Variants in RAPGEF2 observed in about 807,000 individuals in gnomAD.
The protein encoded by RAPGEF2 is Rap guanine nucleotide exchange factor 2.
Under a neutral mutation model 186.7 loss-of-function variants are expected in RAPGEF2, and 54 were observed. The ratio of observed to expected loss-of-function variants is 0.29; its 90% CI spans 0.23 to 0.36. The LOEUF is 0.36. Among genes scored for constraint, RAPGEF2 ranks in the 10% least tolerant of loss-of-function variants. RAPGEF2 has a pLI of 1.00. For missense variants in RAPGEF2, 1,532 were observed against 2,045.0 expected, an observed-to-expected ratio of 0.75 and a Z score of 4.84; for synonymous variants, 712 against 705.9, an observed-to-expected ratio of 1.01 and a Z score of -0.14.
At chr4:159,178,824 G>T (rs1701485856) in intron 1 of RAPGEF2, among the ~76,000 whole-genome samples, 1 of 152,088 alleles carries the variant, frequency 6.6e-6, no homozygotes, top group African/African-American at 2.4e-5. Context: ...TTCCCAAAGT[G>T]CTGGGATTAC....
At chr4:159,268,165 C>G (rs1452920598) in intron 7 of RAPGEF2, 2 of 1,613,062 alleles carry the variant, frequency 1.2e-6, no homozygotes, top group South Asian at 1.1e-5. Context: ...TATGAAACCA[C>G]TAGCAATCCC....
At chr4:159,319,422 G>A (rs1043143147) in intron 9 of RAPGEF2, among the ~76,000 whole-genome samples, 1 of 151,894 alleles carries the variant, frequency 6.6e-6, no homozygotes, top group African/African-American at 2.4e-5. Flanking sequence ...CTATCCCCCC[G>A]CACCCACCAA....
chr4:159,359,429 A>G lies in RAPGEF2; in HGVS notation c.*1290A>G, dbSNP rs1253187105. 2 of 152,172 alleles carry G rather than the reference A, an allele frequency of 1.3e-5. No homozygotes were observed. Among genetic ancestry groups the G allele is most frequent in the East Asian group, 3.9e-4 (2 of 5,188 alleles). The allele number at this position is 152,172 out of a possible 1,614,324, so 9.4% of individuals were successfully genotyped here. On this transcript the variant is annotated 3_prime_UTR_variant, in exon 30 of 30. Transcript: ENST00000691494. ...TAGAGAAGGCCTAAGTGTAGCAACC[A>G]TCTGCTCACAGCTGCTATTAACCCT...
chr4:159,115,335 A>G (rs575718807), intron 1 of RAPGEF2, among the ~76,000 whole-genome samples: 28 of 152,318 alleles, frequency 1.8e-4, no homozygotes, highest in African/African-American at 6.5e-4. Flanking sequence ...TGTTTTCTGT[A>G]TTTTAAGAAA....
chr4:159,171,709 G>A (rs1375927155), intron 1 of RAPGEF2, among the ~76,000 whole-genome samples: 1 of 151,586 alleles, frequency 6.6e-6, no homozygotes, highest in Non-Finnish European at 1.5e-5. Flanking sequence ...AATCTTTCAT[G>A]GGATAGGGTC....
chr4:159,285,154 C>T (rs1760291616), intron 7 of RAPGEF2, among the ~76,000 whole-genome samples: 1 of 152,082 alleles, frequency 6.6e-6, no homozygotes, highest in South Asian at 2.1e-4. Context: ...TTAGAATAAG[C>T]CCTATTTAGT....
intron 7 of RAPGEF2, among the ~76,000 whole-genome samples, chr4:159,297,273 G>A (rs910268468): frequency 4.6e-5 from 7 of 152,142 alleles, no homozygotes; most frequent in African/African-American, 1.7e-4. Flanking sequence ...ACACAGTGGT[G>A]TTTCTGTTCA....
chr4:159,275,994 G>T (rs1193788519), intron 7 of RAPGEF2, among the ~76,000 whole-genome samples: 1 of 152,030 alleles, frequency 6.6e-6, no homozygotes, highest in African/African-American at 2.4e-5. Context: ...TAATTTTTAT[G>T]GGTACTATGG....
intron 9 of RAPGEF2, among the ~76,000 whole-genome samples, chr4:159,316,121 C>T (rs1339951061): frequency 6.6e-6 from 1 of 152,204 alleles, no homozygotes; most frequent in Non-Finnish European, 1.5e-5. Context: ...GACCAAGGAG[C>T]CCTCTGGTGG....
chr4:159,273,454 C>A (rs1210990807), intron 7 of RAPGEF2, among the ~76,000 whole-genome samples: 1 of 151,882 alleles, frequency 6.6e-6, no homozygotes, highest in Admixed American at 6.6e-5. Flanking sequence ...CATATCTTTG[C>A]CTTTAAATAT....
chr4:159,344,140 G>A (rs940070368), intron 23 of RAPGEF2, 81 bp downstream of exon 23: 19 of 1,453,552 alleles, frequency 1.3e-5, no homozygotes, highest in Non-Finnish European at 1.7e-5. Flanking sequence ...TGTATTTTCT[G>A]ATGCTTTGCA....
Position 159,342,553 on chromosome 4 carries a change from A to ATT in RAPGEF2, c.2919-425_2919-424dup, listed in dbSNP as rs1554041228. 1.8e-3 allele frequency among the ~76,000 whole-genome samples: 127 copies of ATT among 71,950 alleles called. 1 individual carries two copies. The highest frequency in any genetic ancestry group is 5.5e-3 in the East Asian group (20 of 3,632). The allele number at this position is 71,950 out of a possible 152,430, so 47.2% of individuals were successfully genotyped here. A position where few individuals can be genotyped will look rare whatever the true frequency, so the allele number is the denominator to read the frequency against. ...TTTATTTTATTTTATTTTATTTTAT[A>ATT]TTATTTTATTTTATTTTATTTTATT... On this transcript the variant is annotated intron_variant, in intron 20 of 29. Coordinates refer to ENST00000691494, the MANE Select transcript of RAPGEF2 (RefSeq NM_001394067.2).
Position 159,340,667 on chromosome 4 carries a change from CCACACA to C in RAPGEF2, c.2535-862_2535-857del, listed in dbSNP as rs3071283. The stretch of plus-strand genomic sequence containing the variant: ...AAAACAAAAAATACCACCACCATCA[CCACACA>C]CACACACACACACACACACACACAC... On this transcript the variant is annotated intron_variant, in intron 19 of 29. Transcript: ENST00000691494. Among the ~76,000 whole-genome samples the C allele has an allele frequency of 6.8e-3, 520 of 76,834 alleles. 29 individuals are homozygous for C. The highest frequency in any genetic ancestry group is 0.025 in the African/African-American group (457 of 18,398). 50.4% of individuals were successfully genotyped at this position (76,834 alleles called of 152,430 possible).
chr4:159,316,810 T>C (rs1424817646), intron 9 of RAPGEF2, among the ~76,000 whole-genome samples: 10 of 152,232 alleles, frequency 6.6e-5, no homozygotes, highest in Admixed American at 6.5e-4. Context: ...TTTAAGTAGC[T>C]TTATATCCAC....
rs1747678627 is a variant in RAPGEF2, at chr4:159,187,488, T to A, written c.140+776T>A. Among the ~76,000 whole-genome samples the A allele has an allele frequency of 4.6e-5, 7 of 152,342 alleles. No homozygotes were observed. In the South Asian group the frequency reaches 1.2e-3, roughly 27 times the overall value. The stretch of plus-strand genomic sequence containing the variant: ...TAGAAACCAGAACCTTTTAAATTAA[T>A]CATTTAAAGAATTACTAGGTCCATT... On this transcript the variant is annotated intron_variant, in intron 2 of 29. Coordinates refer to ENST00000691494, the MANE Select transcript of RAPGEF2 (RefSeq NM_001394067.2).
intron 4 of RAPGEF2, among the ~76,000 whole-genome samples, chr4:159,223,384 C>G (rs1751722350): frequency 6.6e-6 from 1 of 152,070 alleles, no homozygotes; most frequent in Non-Finnish European, 1.5e-5. Context: ...TTCTTGATGG[C>G]TTACCTTTTC....
chr4:159,169,135 A>G (rs1256163625), intron 1 of RAPGEF2, among the ~76,000 whole-genome samples: 1 of 152,168 alleles, frequency 6.6e-6, no homozygotes, highest in South Asian at 2.1e-4. Flanking sequence ...TGACCAGTGA[A>G]CTGCAAATGA....
chr4:159,235,795 T>C (rs958455254), intron 4 of RAPGEF2, among the ~76,000 whole-genome samples: 5 of 152,360 alleles, frequency 3.3e-5, no homozygotes, highest in African/African-American at 1.2e-4. Context: ...ATTTACTGTT[T>C]CAAAGAATCA....
At chr4:159,157,007 A>T (rs2111206877) in intron 1 of RAPGEF2, among the ~76,000 whole-genome samples, 1 of 152,176 alleles carries the variant, frequency 6.6e-6, no homozygotes, top group East Asian at 1.9e-4. Flanking sequence ...TGTATTATTT[A>T]AGAAGCTCAG....
Sources: gnomAD v4.1 joint callset for allele counts (sites outside exome capture counted in the v4.1 genomes callset) on GRCh38, gnomAD v4.1.1 for gene constraint, MANE v1.5 for transcripts, NCBI Gene and HGNC (gene_info 2026-07-23, HGNC 2026-07-21) for gene names.